PRKCG: variants seen among roughly 807,000 people sequenced by gnomAD.
The protein encoded by PRKCG is protein kinase C gamma type.
A neutral mutation model predicts 82.0 loss-of-function variants in PRKCG; 28 were observed. The ratio of observed to expected loss-of-function variants is 0.34; its 90% CI spans 0.25 to 0.47. The LOEUF (loss-of-function observed/expected upper bound fraction) is 0.47, where lower values mean the gene tolerates loss of function less well. Ranked by LOEUF, PRKCG falls within the 20% of genes least tolerant of loss-of-function variation. The pLI is 1.00. For synonymous variants in PRKCG, 383 were observed against 376.6 expected (o/e 1.02, Z -0.20); for missense variants, 640 against 952.7 (o/e 0.67, Z 4.32).
chr19:53,882,225 T>C lies in PRKCG; in HGVS notation c.-270T>C, dbSNP rs2068596486. On this transcript the variant is annotated 5_prime_UTR_variant, in exon 1 of 18. Coordinates refer to ENST00000263431, the MANE Select transcript of PRKCG (RefSeq NM_002739.5). The surrounding 1 kb of genome is among the most constrained non-coding windows in gnomAD (Gnocchi z 6.1). Reference sequence around the variant, plus strand: ...TTTCAGCAGGTGCCGGAGCTGGAGCTCCCACCGCCGCCGCCCGTGCCTCCG... The same window carrying C: ...TTTCAGCAGGTGCCGGAGCTGGAGCCCCCACCGCCGCCGCCCGTGCCTCCG... 1 of 507,440 alleles carries C rather than the reference T, an allele frequency of 2.0e-6. No individual in the cohort carries two copies. Among genetic ancestry groups the C allele is most frequent in the Non-Finnish European group, 3.6e-6 (1 of 277,586 alleles). The allele number at this position is 507,440 out of a possible 1,614,324, so 31.4% of individuals were successfully genotyped here. A position where few individuals can be genotyped will look rare whatever the true frequency, so the allele number is the denominator to read the frequency against.
Position 53,900,405 on chromosome 19 carries a change from A to C in PRKCG, c.1374-14A>C, listed in dbSNP as rs759499691. 3 of 1,613,822 alleles carry C rather than the reference A, an allele frequency of 1.9e-6. No individual in the cohort carries two copies. The highest frequency in any genetic ancestry group is 2.7e-5 in the African/African-American group (2 of 74,806). On this transcript the variant is annotated splice_polypyrimidine_tract_variant and intron_variant, in intron 12 of 17. Coordinates refer to ENST00000263431, the MANE Select transcript of PRKCG (RefSeq NM_002739.5). The surrounding 1 kb of genome is among the most constrained non-coding windows in gnomAD (Gnocchi z 4.2). ...CACTGACCTTCTGACGTCCCCACCCACCCCGTCCTCCAGGTTCTACGCGGC... is the reference window on the plus strand; with the variant it reads ...CACTGACCTTCTGACGTCCCCACCCCCCCCGTCCTCCAGGTTCTACGCGGC...
intron 14 of PRKCG, among the ~76,000 whole-genome samples, chr19:53,901,656 C>T (rs938600513): frequency 7.3e-5 from 11 of 149,964 alleles, no homozygotes; most frequent in African/African-American, 2.7e-4. Context: ...TTGAGACCAG[C>T]CTGACTAACA....
upstream of PRKCG, among the ~76,000 whole-genome samples, chr19:53,881,394 G>T (rs1210496993): frequency 2.0e-5 from 3 of 151,712 alleles, no homozygotes; most frequent in Admixed American, 6.6e-5. Context: ...GCAGAGGGAG[G>T]GGGAGACAGA....
chr19:53,900,590 C>T lies in PRKCG; in HGVS notation c.1437-21C>T, dbSNP rs1338014259. 6.2e-7 allele frequency: 1 copy of T among 1,614,212 alleles called. No individual in the cohort carries two copies. Among genetic ancestry groups the T allele is most frequent in the Non-Finnish European group, 8.5e-7 (1 of 1,180,032 alleles). On this transcript the variant is annotated intron_variant, in intron 13 of 17. Transcript: ENST00000263431. The surrounding 1 kb of genome is among the most constrained non-coding windows in gnomAD (Gnocchi z 4.2). ...CTCAACACTTCTTGCAATTCCTGCC[C>T]CACACCCCTGCATCGTCCAGGGACC...
intron 9 of PRKCG, among the ~76,000 whole-genome samples, chr19:53,895,263 G>A (rs570850369): frequency 2.4e-4 from 37 of 152,092 alleles, no homozygotes; most frequent in Middle Eastern, 3.4e-3. Flanking sequence ...TAAGGCGGGC[G>A]GATCACCTGA....
Position 53,907,556 on chromosome 19 carries a change from G to C in PRKCG, c.*661G>C, listed in dbSNP as rs989146454. On this transcript the variant is annotated 3_prime_UTR_variant, in exon 18 of 18. Transcript: ENST00000263431. ...CCCACCCCAACTCTCCCCAGTGCCT[G>C]CCACTCTCTGGGACTCTCCTCCTCC... The C allele has an allele frequency of 6.5e-6, 1 of 154,974 alleles. No individual in the cohort carries two copies. Among genetic ancestry groups the C allele is most frequent in the South Asian group, 2.0e-4 (1 of 5,070 alleles). 9.6% of individuals were successfully genotyped at this position (154,974 alleles called of 1,614,324 possible). A position where few individuals can be genotyped will look rare whatever the true frequency, so the allele number is the denominator to read the frequency against.
In PRKCG at chr19:53,900,598, C is replaced by G. The variant is rs1245545150; in HGVS notation, c.1437-13C>G. On this transcript the variant is annotated splice_polypyrimidine_tract_variant and intron_variant, in intron 13 of 17. Coordinates refer to ENST00000263431, the MANE Select transcript of PRKCG (RefSeq NM_002739.5). This position sits in a 1 kb window ranked among gnomAD's most constrained non-coding sequence, Gnocchi z 4.2. ...TTCTTGCAATTCCTGCCCCACACCCCTGCATCGTCCAGGGACCTGAAGCTG... is the reference window on the plus strand; with the variant it reads ...TTCTTGCAATTCCTGCCCCACACCCGTGCATCGTCCAGGGACCTGAAGCTG... The G allele has an allele frequency of 5.0e-6, 8 of 1,614,120 alleles. No individual in the cohort carries two copies. The highest frequency in any genetic ancestry group is 6.8e-6 in the Non-Finnish European group (8 of 1,180,050).
At position 53,902,912 on chromosome 19, in the gene PRKCG, A is replaced by C. The variant is rs79417770; in HGVS notation, c.1576-161A>C. On this transcript the variant is annotated intron_variant, in intron 14 of 17. Transcript: ENST00000263431. ...TGTCAAAAAAAAAAAAAAAAAAAAA[A>C]AAAACGAAACAAAAAATCACCTGAT... Among the ~76,000 whole-genome samples, 3,577 of 149,794 alleles carry C rather than the reference A, an allele frequency of 0.024. 129 individuals carry two copies. The highest frequency in any genetic ancestry group is 0.099 in the East Asian group (492 of 4,984).
rs1397282982 is a variant in PRKCG at position 53,896,002 on chromosome 19, A to G, written c.940-1957A>G. ...ATGAACCTGGGAGGTGGAGCTTGCA[A>G]TGAGCCGAGATCGTGCCACTGCACT... On this transcript the variant is annotated intron_variant, in intron 9 of 17. Transcript: ENST00000263431. Among the ~76,000 whole-genome samples the G allele has an allele frequency of 1.3e-4, 19 of 150,750 alleles. No individual in the cohort carries two copies. The Admixed American group carries it at 1.3e-3, about 10-fold the overall frequency.
rs541938940 is a variant in PRKCG, at chr19:53,889,552, A to G, written c.286-86A>G. ...GAGCCTCAGGCTGACCTAGAGAGCA[A>G]GGCAGGAGGAAAAGATAAAAGGGCC... On this transcript the variant is annotated intron_variant, in intron 3 of 17. Coordinates refer to ENST00000263431, the MANE Select transcript of PRKCG (RefSeq NM_002739.5). This position sits in a 1 kb window ranked among gnomAD's most constrained non-coding sequence, Gnocchi z 4.4. 5.2e-6 allele frequency: 5 copies of G among 965,354 alleles called. No individual in the cohort carries two copies. In the South Asian group the frequency reaches 6.7e-5, roughly 13 times the overall value. The allele number at this position is 965,354 out of a possible 1,614,324, so 59.8% of individuals were successfully genotyped here. A position where few individuals can be genotyped will look rare whatever the true frequency, so the allele number is the denominator to read the frequency against.
rs191945517 is a variant in PRKCG, at chr19:53,902,107, C to G, written c.1576-966C>G. Among the ~76,000 whole-genome samples, 397 of 152,182 alleles carry G rather than the reference C, an allele frequency of 2.6e-3. 1 individual carries two copies. Among genetic ancestry groups the G allele is most frequent in the Non-Finnish European group, 4.1e-3 (278 of 67,998 alleles). On this transcript the variant is annotated intron_variant, in intron 14 of 17. Coordinates refer to ENST00000263431, the MANE Select transcript of PRKCG (RefSeq NM_002739.5). The stretch of plus-strand genomic sequence containing the variant: ...ACAAAACCTGGCTGGTAATCAGAAT[C>G]ATCTGTAGAAAATTTGAAAACTGAG...
chr19:53,896,345 G>A (rs886468659), intron 9 of PRKCG, among the ~76,000 whole-genome samples: 5 of 150,498 alleles, frequency 3.3e-5, no homozygotes, highest in Admixed American at 1.3e-4. Context: ...CTAGGTACGG[G>A]GCTAACAACA....
Position 53,882,650 on chromosome 19 carries a change from C to T in PRKCG, c.156C>T (p.Cys52=), listed in dbSNP as rs2068601554. The change falls in exon 1 of 18, where the codon TGC becomes TGT. Residue 52 remains cysteine (C), a synonymous_variant. Coordinates refer to ENST00000263431, the MANE Select transcript of PRKCG (RefSeq NM_002739.5). The surrounding 1 kb of genome is among the most constrained non-coding windows in gnomAD (Gnocchi z 6.1). ...FFKQPTFCSH[C]TDFIWGIGKQ... The stretch of plus-strand genomic sequence containing the variant: ...AGCAGCCCACCTTCTGCAGCCACTG[C>T]ACCGACTTCATCTGGTGAGGGAAGG... 4 of 1,612,414 alleles carry T rather than the reference C, an allele frequency of 2.5e-6. No individual in the cohort carries two copies. Among genetic ancestry groups the T allele is most frequent in the Non-Finnish European group, 3.4e-6 (4 of 1,179,888 alleles).
Position 53,900,487 on chromosome 19 carries a change from C to T in PRKCG, c.1436+6C>T. ...AATCAGGGCATCATCTACAGGTGAG[C>T]AGCCCCAGGAATTTCCGTGGAGGAA... is the stretch of plus-strand genomic sequence containing the variant. On this transcript the variant is annotated splice_donor_region_variant and intron_variant, in intron 13 of 17. Transcript: ENST00000263431. The surrounding 1 kb of genome is among the most constrained non-coding windows in gnomAD (Gnocchi z 4.2). 1 of 1,614,144 alleles carries T rather than the reference C, an allele frequency of 6.2e-7. No individual in the cohort carries two copies. The highest frequency in any genetic ancestry group is 2.2e-5 in the East Asian group (1 of 44,878).
chr19:53,906,990 C>T lies in PRKCG; in HGVS notation c.*95C>T. 1 of 1,575,344 alleles carries T rather than the reference C, an allele frequency of 6.3e-7. No individual in the cohort carries two copies. Among genetic ancestry groups the T allele is most frequent in the Non-Finnish European group, 8.6e-7 (1 of 1,162,950 alleles). On this transcript the variant is annotated 3_prime_UTR_variant, in exon 18 of 18. Transcript: ENST00000263431. ...CAACTTCACCACCCCCTGTCCCATT[C>T]TAGATCCTGCACCCCAGCATTCCAG...
intron 15 of PRKCG, among the ~76,000 whole-genome samples, chr19:53,904,321 G>A (rs1224165028): frequency 6.6e-6 from 1 of 151,130 alleles, no homozygotes; most frequent in Non-Finnish European, 1.5e-5. Context: ...GTTTCCTGCA[G>A]TTTTTCCTCT....
chr19:53,904,782 C>T, intron 16 of PRKCG, 40 bp downstream of exon 16: 1 of 1,455,000 alleles, frequency 6.9e-7, no homozygotes, highest in Non-Finnish European at 9.4e-7. Flanking sequence ...AGGCTCACAA[C>T]CACACACCCC....
intron 11 of PRKCG, among the ~76,000 whole-genome samples, 164 bp downstream of exon 11, chr19:53,898,792 T>C (rs1405039481): frequency 1.4e-3 from 12 of 8,316 alleles, no homozygotes; most frequent in Admixed American, 2.7e-3. Flanking sequence ...CGGGGGGGGG[T>C]CCTTGGGGGG....
intron 11 of PRKCG, among the ~76,000 whole-genome samples, chr19:53,899,155 C>T (rs970476180): frequency 2.0e-5 from 3 of 150,114 alleles, no homozygotes; most frequent in African/African-American, 7.4e-5. Context: ...CGTGGCCAGG[C>T]GGTGAGTTCC....
Sources: gnomAD v4.1 joint callset for allele counts (sites outside exome capture counted in the v4.1 genomes callset) on GRCh38, gnomAD v4.1.1 for gene constraint, Gnocchi (gnomAD v3.1) non-coding constraint, MANE v1.5 for transcripts, NCBI Gene and HGNC (gene_info 2026-07-23, HGNC 2026-07-21) for gene names.